Variants in DPP6 observed in about 807,000 individuals in gnomAD.
DPP6 encodes the protein dipeptidyl peptidase like 6.
A neutral mutation model predicts 122.6 loss-of-function variants in DPP6; 69 were observed. The ratio of observed to expected loss-of-function variants is 0.56; its 90% CI spans 0.46 to 0.69. DPP6 has a LOEUF of 0.69. DPP6 is among the 30% of genes least tolerant of loss of function. The probability of loss-of-function intolerance (pLI) is 0.00; values close to 1 mark genes in which losing one functional copy is unlikely to be tolerated. For synonymous variants in DPP6, 418 were observed against 433.1 expected (o/e 0.97, Z 0.43); for missense variants, 928 against 1,116.9 (o/e 0.83, Z 2.41).
the DPP6 span, among the ~76,000 whole-genome samples, chr7:153,881,809 TA>T: frequency 3.9e-5 from 6 of 152,204 alleles, no homozygotes; most frequent in Non-Finnish European, 5.9e-5. Flanking sequence ...TCCTAATGGC[TA>T]AATTTGTATT....
Position 153,975,185 on chromosome 7 carries a change from C to A in DPP6, c.51+87451C>A, listed in dbSNP as rs183819986. Among the ~76,000 whole-genome samples the A allele has an allele frequency of 6.1e-3, 915 of 151,080 alleles. 12 individuals carry two copies. The highest frequency in any genetic ancestry group is 0.021 in the African/African-American group (871 of 41,070). On this transcript the variant is annotated intron_variant, in intron 1 of 25. Transcript: ENST00000404039. ...TGGGGAATTCGGGTGTATAGCCAAA[C>A]AAAGAAAATGTAGTGGAAGAAATAT...
At chr7:154,592,621 G>A (rs1330926005) in intron 5 of DPP6, among the ~76,000 whole-genome samples, 1 of 112,014 alleles carries the variant, frequency 8.9e-6, no homozygotes, top group African/African-American at 4.4e-5. Flanking sequence ...TCTGGGGGAG[G>A]ACGGCAGGGA....
chr7:154,696,751 C>T (rs1048601584), intron 7 of DPP6, among the ~76,000 whole-genome samples: 15 of 152,220 alleles, frequency 9.9e-5, no homozygotes, highest in African/African-American at 2.7e-4. Flanking sequence ...TCATACTATG[C>T]GTGATGCCGT....
At chr7:154,887,581 C>T in intron 22 of DPP6, 95 bp from the exon 23 acceptor site, 2 of 1,276,248 alleles carry the variant, frequency 1.6e-6, no homozygotes, top group South Asian at 1.2e-5. Flanking sequence ...GAGTCCTCAC[C>T]CCGCACCCGG....
intron 1 of DPP6, among the ~76,000 whole-genome samples, chr7:154,244,690 A>G (rs1327487102): frequency 6.6e-6 from 1 of 152,170 alleles, no homozygotes; most frequent in African/African-American, 2.4e-5. Flanking sequence ...CAAATTAAAA[A>G]ATAATGCAAA....
chr7:154,446,316 C>T lies in DPP6; in HGVS notation c.346C>T (p.Leu116Phe). The T allele has an allele frequency of 6.2e-7, 1 of 1,611,590 alleles. No individual in the cohort carries two copies. Among genetic ancestry groups the T allele is most frequent in the Non-Finnish European group, 8.5e-7 (1 of 1,178,304 alleles). ...ICSLIVTSVI[L>F]LTPAEDNSLS... ...CTCCTTGATCGTCACCTCGGTCATA[C>T]TTCTGACACCAGGTACTGTATTCAT... Residue 116 changes from leucine to phenylalanine, a missense_variant, in exon 2 of 26, where the codon CTT (leucine) becomes TTT (phenylalanine). Physicochemically the swap from Leu to Phe is conservative, Grantham distance 22. Transcript: ENST00000377770.
rs1412547489 is a variant in DPP6, at chr7:154,000,745, C to T, written c.51+113011C>T. On this transcript the variant is annotated intron_variant, in intron 1 of 25. Transcript: ENST00000404039. Reference sequence around the variant, plus strand: ...CTTATGGGTGCCAGCTGCTCTTCTTCGCGTATTCATCTGTGCAATCCAAAC... The same window carrying T: ...CTTATGGGTGCCAGCTGCTCTTCTTTGCGTATTCATCTGTGCAATCCAAAC... 1.2e-4 allele frequency among the ~76,000 whole-genome samples: 18 copies of T among 152,146 alleles called. 1 individual carries two copies. Among genetic ancestry groups the T allele is most frequent in the South Asian group, 1.0e-3 (5 of 4,800 alleles).
chr7:153,907,065 T>A lies in DPP6; in HGVS notation c.51+19331T>A, dbSNP rs187505940. 1.1e-3 allele frequency among the ~76,000 whole-genome samples: 163 copies of A among 152,348 alleles called. 1 individual carries two copies. Among genetic ancestry groups the A allele is most frequent in the Middle Eastern group, 6.8e-3 (2 of 294 alleles). Reference sequence around the variant, plus strand: ...AAGTGTAGTTCCATTTTTAGTTCTTTGAGAAATTTCCATACTGTTTCCCAT... The same window carrying A: ...AAGTGTAGTTCCATTTTTAGTTCTTAGAGAAATTTCCATACTGTTTCCCAT... On this transcript the variant is annotated intron_variant, in intron 1 of 25. Coordinates refer to the DPP6 transcript ENST00000404039.
intron 3 of DPP6, among the ~76,000 whole-genome samples, chr7:154,501,330 A>G (rs1253196511): frequency 2.0e-5 from 3 of 152,036 alleles, no homozygotes; most frequent in African/African-American, 7.2e-5. Context: ...GTAAAATGTT[A>G]ATTCCCAAGA....
chr7:154,692,411 G>C (rs1387177389), intron 7 of DPP6, among the ~76,000 whole-genome samples: 1 of 152,160 alleles, frequency 6.6e-6, no homozygotes, highest in Non-Finnish European at 1.5e-5. Flanking sequence ...TACAGAGTAG[G>C]CCTCAATCAA....
intron 1 of DPP6, among the ~76,000 whole-genome samples, chr7:154,432,298 A>C (rs1043295912): frequency 6.6e-6 from 1 of 152,212 alleles, no homozygotes; most frequent in Non-Finnish European, 1.5e-5. Context: ...GCTATGTTAC[A>C]AGAACATGGT....
the DPP6 span, among the ~76,000 whole-genome samples, chr7:153,824,386 C>CAAAAAAAAA: frequency 2.5e-5 from 2 of 79,442 alleles, no homozygotes; most frequent in Non-Finnish European, 4.6e-5. Flanking sequence ...GAGTCTGTCT[C>CAAAAAAAAA]AAAAAAAAAA....
intron 1 of DPP6, among the ~76,000 whole-genome samples, chr7:154,250,649 T>A (rs1482349804): frequency 6.6e-6 from 1 of 152,192 alleles, no homozygotes; most frequent in African/African-American, 2.4e-5. Context: ...TGGAAAAAAA[T>A]GTCTTGCCTG....
intron 1 of DPP6, among the ~76,000 whole-genome samples, chr7:154,352,103 G>A (rs1017682385): frequency 9.2e-5 from 14 of 152,078 alleles, no homozygotes; most frequent in Non-Finnish European, 1.3e-4. Context: ...TTCCATAGGC[G>A]GACCTGGTCA....
At chr7:153,839,317 C>T in the DPP6 span, among the ~76,000 whole-genome samples, 13 of 152,312 alleles carry the variant, frequency 8.5e-5, no homozygotes, top group Non-Finnish European at 1.3e-4. Flanking sequence ...CAGGATGTGA[C>T]GCCAAGGCAT....
intron 1 of DPP6, among the ~76,000 whole-genome samples, chr7:153,972,332 G>A (rs1796064304): frequency 6.6e-6 from 1 of 151,418 alleles, no homozygotes; most frequent in African/African-American, 2.4e-5. Flanking sequence ...CACTGATGCT[G>A]TTTTGCCTCA....
At chr7:154,348,611 C>T (rs1810592085) in intron 1 of DPP6, among the ~76,000 whole-genome samples, 1 of 152,118 alleles carries the variant, frequency 6.6e-6, no homozygotes, top group Admixed American at 6.6e-5. Flanking sequence ...GCATCTTCAT[C>T]TCAGGAAGAC....
intron 13 of DPP6, among the ~76,000 whole-genome samples, chr7:154,802,206 A>G (rs372703240): frequency 5.9e-5 from 9 of 152,242 alleles, no homozygotes; most frequent in African/African-American, 2.2e-4. Context: ...AATGAATGAA[A>G]TTTGATTAGA....
intron 1 of DPP6, among the ~76,000 whole-genome samples, chr7:154,249,516 C>G (rs1585739038): frequency 6.6e-6 from 1 of 152,114 alleles, no homozygotes; most frequent in Non-Finnish European, 1.5e-5. Flanking sequence ...GTTTAAATAT[C>G]AAAGAATCCT....
Sources: gnomAD v4.1 joint callset for allele counts (sites outside exome capture counted in the v4.1 genomes callset) on GRCh38, gnomAD v4.1.1 for gene constraint, MANE v1.5 for transcripts, NCBI Gene and HGNC (gene_info 2026-07-23, HGNC 2026-07-21) for gene names.